SPIN1: variants seen among roughly 807,000 people sequenced by gnomAD.
The protein encoded by SPIN1 is spindlin-1.
A neutral mutation model predicts 26.0 loss-of-function variants in SPIN1; 3 were observed. The ratio of observed to expected loss-of-function variants is 0.12; its 90% confidence interval spans 0.05 to 0.30. The LOEUF is 0.30. SPIN1 is among the 10% of genes least tolerant of loss of function. The pLI, the probability that SPIN1 is intolerant of heterozygous loss-of-function variation, is 1.00. For synonymous variants in SPIN1, 101 were observed against 116.5 expected, an observed-to-expected ratio of 0.87 and a Z score of 0.86; for missense variants, 126 against 333.4, an observed-to-expected ratio of 0.38 and a Z score of 4.84.
chr9:88,449,076 C>T, intron 3 of SPIN1, 87 bp downstream of exon 3: 1 of 1,314,996 alleles, frequency 7.6e-7, no homozygotes, highest in African/African-American at 1.5e-5. Flanking sequence ...GGCCTCCTCC[C>T]CTGTGATCGA....
In SPIN1 at chr9:88,475,794, C is replaced by T. The variant is rs927834170; in HGVS notation, c.*517C>T. 2.0e-5 allele frequency: 3 copies of T among 152,154 alleles called. No individual in the cohort carries two copies. The highest frequency in any genetic ancestry group is 4.4e-5 in the Non-Finnish European group (3 of 68,146). The allele number at this position is 152,154 out of a possible 1,614,324, so 9.4% of individuals were successfully genotyped here. A position where few individuals can be genotyped will look rare whatever the true frequency, so the allele number is the denominator to read the frequency against. On this transcript the variant is annotated 3_prime_UTR_variant, in exon 6 of 6. Coordinates refer to ENST00000375859, the MANE Select transcript of SPIN1 (RefSeq NM_006717.3). ...TCTTTGTGGATTAGGATGGGGGTGA[C>T]ATAATTTTCTTGAGTTTAACAGGAG...
chr9:88,472,345 C>T (rs1270846208), intron 5 of SPIN1, among the ~76,000 whole-genome samples: 2 of 152,178 alleles, frequency 1.3e-5, no homozygotes, highest in African/African-American at 4.8e-5. Flanking sequence ...AGCGATTCTC[C>T]TGCCTCAGCC....
intron 3 of SPIN1, among the ~76,000 whole-genome samples, chr9:88,453,374 G>A (rs1422722953): frequency 6.6e-6 from 1 of 152,088 alleles, no homozygotes; most frequent in Non-Finnish European, 1.5e-5. Context: ...GCATCAATTT[G>A]GCACTTGGGA....
chr9:88,408,905 G>A (rs1175302413), intron 1 of SPIN1, among the ~76,000 whole-genome samples: 3 of 151,240 alleles, frequency 2.0e-5, no homozygotes, highest in African/African-American at 7.3e-5. Flanking sequence ...CTCGTGATCC[G>A]CCCGCCTGGG....
chr9:88,464,785 C>A (rs1208684197), intron 4 of SPIN1, among the ~76,000 whole-genome samples: 2 of 152,016 alleles, frequency 1.3e-5, no homozygotes, highest in African/African-American at 2.4e-5. Flanking sequence ...AATTTACTGT[C>A]CTAACCATTT....
intron 3 of SPIN1, among the ~76,000 whole-genome samples, chr9:88,450,016 A>C (rs1244669647): frequency 6.6e-6 from 1 of 152,210 alleles, no homozygotes; most frequent in Admixed American, 6.5e-5. Flanking sequence ...CATAATACAA[A>C]TATTTGTAAT....
chr9:88,444,691 C>CTT lies in SPIN1; in HGVS notation c.53-4234_53-4233dup, dbSNP rs1226379698. 3.4e-3 allele frequency among the ~76,000 whole-genome samples: 423 copies of CTT among 123,032 alleles called. 8 individuals are homozygous for CTT. The highest frequency in any genetic ancestry group is 0.011 in the African/African-American group (359 of 31,564). 80.7% of individuals were successfully genotyped at this position (123,032 alleles called of 152,430 possible). A position where few individuals can be genotyped will look rare whatever the true frequency, so the allele number is the denominator to read the frequency against. ...TGATGAATGGTTTACCTTTTCTTTT[C>CTT]TTTTTTTTTTTTTTTTTGAGATGGA... On this transcript the variant is annotated intron_variant, in intron 2 of 5. Transcript: ENST00000375859.
At chr9:88,409,952 A>G (rs533436558) in intron 1 of SPIN1, among the ~76,000 whole-genome samples, 1 of 152,048 alleles carries the variant, frequency 6.6e-6, no homozygotes, top group South Asian at 2.1e-4. Context: ...TGAGTTTACC[A>G]GTCCCCCTGT....
intron 1 of SPIN1, among the ~76,000 whole-genome samples, chr9:88,408,925 G>A (rs2117948036): frequency 6.6e-6 from 1 of 152,004 alleles, no homozygotes; most frequent in African/African-American, 2.4e-5. Context: ...GCCTCCCAAA[G>A]TGTTGGGATT....
intron 1 of SPIN1, chr9:88,415,639 C>G (rs1458624948): frequency 6.6e-6 from 1 of 152,188 alleles, no homozygotes; most frequent in Admixed American, 6.6e-5. Flanking sequence ...CCAGGCTGCT[C>G]TGGAACTCCT....
At chr9:88,396,238 CAA>C (rs879468835) in intron 1 of SPIN1, among the ~76,000 whole-genome samples, 2 of 139,800 alleles carry the variant, frequency 1.4e-5, no homozygotes, top group Non-Finnish European at 3.1e-5. Flanking sequence ...GACTCCATCT[CAA>C]AAAAAAAAAA....
intron 2 of SPIN1, among the ~76,000 whole-genome samples, chr9:88,431,493 TTGG>T (rs1351484953): frequency 6.6e-6 from 1 of 151,786 alleles, no homozygotes; most frequent in Non-Finnish European, 1.5e-5. Context: ...TTTCTCCATG[TTGG>T]TCAGGCTGGT....
chr9:88,394,523 T>C (rs1167193216), intron 1 of SPIN1, among the ~76,000 whole-genome samples: 2 of 152,212 alleles, frequency 1.3e-5, no homozygotes, highest in Non-Finnish European at 2.9e-5. Flanking sequence ...GCTTATCCTT[T>C]TTTCTCTAAC....
intron 1 of SPIN1, among the ~76,000 whole-genome samples, chr9:88,388,944 C>T (rs1826853206): frequency 6.7e-6 from 1 of 148,920 alleles, no homozygotes. Context: ...GGGGAGGGGG[C>T]GCTGCGCCAG....
intron 4 of SPIN1, among the ~76,000 whole-genome samples, chr9:88,464,475 A>G (rs1828622490): frequency 6.6e-6 from 1 of 152,260 alleles, no homozygotes; most frequent in South Asian, 2.1e-4. Flanking sequence ...GTGATGTCAC[A>G]GAGCAGTGGT....
At chr9:88,462,254 A>G (rs1303035957) in intron 3 of SPIN1, among the ~76,000 whole-genome samples, 2 of 152,190 alleles carry the variant, frequency 1.3e-5, no homozygotes, top group Non-Finnish European at 1.5e-5. Context: ...TTTTCTGCCT[A>G]TACACAGTTG....
chr9:88,421,775 A>C (rs1429931551), intron 1 of SPIN1, among the ~76,000 whole-genome samples: 1 of 151,590 alleles, frequency 6.6e-6, no homozygotes, highest in East Asian at 1.9e-4. Flanking sequence ...CCACCTTTCT[A>C]ATTTGTCTGT....
chr9:88,412,920 G>C (rs949046222), intron 1 of SPIN1, among the ~76,000 whole-genome samples: 4 of 151,504 alleles, frequency 2.6e-5, no homozygotes, highest in African/African-American at 9.7e-5. Flanking sequence ...CTAACCTCGT[G>C]ATCCGCCCAC....
At chr9:88,408,408 T>C (rs1164247798) in intron 1 of SPIN1, among the ~76,000 whole-genome samples, 1 of 149,166 alleles carries the variant, frequency 6.7e-6, no homozygotes, top group African/African-American at 2.5e-5. Flanking sequence ...GACGGAGTGT[T>C]GCTCTGTCAC....
Sources: gnomAD v4.1 joint callset for allele counts (sites outside exome capture counted in the v4.1 genomes callset) on GRCh38, gnomAD v4.1.1 for gene constraint, MANE v1.5 for transcripts, NCBI Gene and HGNC (gene_info 2026-07-23, HGNC 2026-07-21) for gene names.